The following KIAA0040 variants were observed in gnomAD, a reference collection of about 807,000 sequenced individuals.
KIAA0040 encodes uncharacterized protein KIAA0040.
In KIAA0040, 10 loss-of-function variants were observed where a neutral mutation model predicts 7.2. That is an observed-to-expected ratio of 1.38 (90% CI 0.85 to 2.34). The LOEUF (loss-of-function observed/expected upper bound fraction) is 2.34. Ranked by LOEUF, KIAA0040 falls within the 30% of genes most tolerant of loss-of-function variation. The pLI is 0.00. For missense variants in KIAA0040, 89 were observed against 108.2 expected (o/e 0.82, Z 0.79); for synonymous variants, 49 against 40.1 (o/e 1.22, Z -0.84).
At chr1:175,171,586 C>T (rs1558393664) in intron 2 of KIAA0040, among the ~76,000 whole-genome samples, 1 of 152,182 alleles carries the variant, frequency 6.6e-6, no homozygotes, top group South Asian at 2.1e-4. Context: ...CCGCAGACTG[C>T]ACTCTCCAGC....
rs550234485 is a variant in KIAA0040 at position 175,178,978 on chromosome 1, G to T, written c.-383-1294C>A. Among the ~76,000 whole-genome samples the T allele has an allele frequency of 3.1e-4, 46 of 149,240 alleles. 1 individual carries two copies. The East Asian group carries it at 3.7e-3, about 12-fold the overall frequency. ...CAGAGTGGGGGACGGGGCGGGGGGG[G>T]GGATATCATGGAGGAGATAGAGGCT... On this transcript the variant is annotated intron_variant, in intron 1 of 3. Coordinates refer to ENST00000423313, the MANE Select transcript of KIAA0040 (RefSeq NM_014656.3).
At chr1:175,169,393 C>T (rs1343384990) in intron 2 of KIAA0040, among the ~76,000 whole-genome samples, 1 of 152,096 alleles carries the variant, frequency 6.6e-6, no homozygotes, top group Non-Finnish European at 1.5e-5. Flanking sequence ...CTCTCTGGCG[C>T]TCTGTTTTCT....
chr1:175,183,236 T>C (rs558048013), intron 1 of KIAA0040, among the ~76,000 whole-genome samples: 1 of 152,330 alleles, frequency 6.6e-6, no homozygotes, highest in East Asian at 1.9e-4. Flanking sequence ...ATTAAGCTAT[T>C]ACAGAGCTTT....
At position 175,160,690 on chromosome 1, in the gene KIAA0040, G is replaced by A. The variant is rs1423627220; in HGVS notation, c.*24C>T. 2.0e-6 allele frequency: 3 copies of A among 1,526,264 alleles called. No homozygotes were observed. In the Admixed American group the frequency reaches 6.4e-5, roughly 32 times the overall value. 94.5% of individuals were successfully genotyped at this position (1,526,264 alleles called of 1,614,324 possible). A position where few individuals can be genotyped will look rare whatever the true frequency, so the allele number is the denominator to read the frequency against. On this transcript the variant is annotated 3_prime_UTR_variant, in exon 4 of 4. Transcript: ENST00000423313. ...CAGAAGGAGGCTTAGCCCCAGAAAG[G>A]AAACACCTCTGCTTCCTGCCTAACT...
intron 1 of KIAA0040, among the ~76,000 whole-genome samples, chr1:175,188,303 C>T (rs895403757): frequency 6.6e-6 from 1 of 152,098 alleles, no homozygotes; most frequent in African/African-American, 2.4e-5. Flanking sequence ...CACTCATGTC[C>T]CCAGATGATG....
chr1:175,163,176 C>T (rs887665549), intron 3 of KIAA0040, among the ~76,000 whole-genome samples: 1 of 152,168 alleles, frequency 6.6e-6, no homozygotes, highest in African/African-American at 2.4e-5. Context: ...GTGGAATTAA[C>T]CCATTTTTGG....
At chr1:175,161,679 A>G (rs1676550947) in intron 3 of KIAA0040, among the ~76,000 whole-genome samples, 1 of 152,134 alleles carries the variant, frequency 6.6e-6, no homozygotes, top group South Asian at 2.1e-4. Context: ...CCTCTGGGCT[A>G]AGAGGTCATC....
chr1:175,168,192 A>G (rs1676846404), intron 2 of KIAA0040, among the ~76,000 whole-genome samples: 1 of 152,210 alleles, frequency 6.6e-6, no homozygotes, highest in South Asian at 2.1e-4. Flanking sequence ...CTAACCTGGC[A>G]TGCTCAGGTG....
rs1470713832 is a variant in KIAA0040, at chr1:175,160,957, G to A, written c.57C>T (p.His19=). ...SSIWDTILTK[H]QEGIYNTICL... ...AGATGGTGTTGTAGATGCCTTCTTG[G>A]TGTTTGGTCAAGATGGTGTCCCAGA... Residue 19 remains histidine, a synonymous_variant, in exon 4 of 4, where the codon CAC becomes CAT. Transcript: ENST00000423313. 22 of 1,551,526 alleles carry A rather than the reference G, an allele frequency of 1.4e-5. No individual in the cohort carries two copies. In the East Asian group the frequency reaches 5.4e-4, roughly 38 times the overall value.
intron 1 of KIAA0040, among the ~76,000 whole-genome samples, chr1:175,188,580 T>C (rs1011397458): frequency 6.6e-6 from 1 of 152,166 alleles, no homozygotes; most frequent in Non-Finnish European, 1.5e-5. Context: ...AATCCACTGG[T>C]CTCTAGCTCA....
In KIAA0040 at chr1:175,160,702, C is replaced by T. The variant is rs142870156; in HGVS notation, c.*12G>A. ...TAGCCCCAGAAAGGAAACACCTCTG[C>T]TTCCTGCCTAACTAAACAGGCAGTG... On this transcript the variant is annotated 3_prime_UTR_variant, in exon 4 of 4. Coordinates refer to ENST00000423313, the MANE Select transcript of KIAA0040 (RefSeq NM_014656.3). 1,254 of 1,539,838 alleles carry T rather than the reference C, an allele frequency of 8.1e-4. 8 individuals carry two copies. The African/African-American group carries it at 0.015, about 19-fold the overall frequency.
At chr1:175,188,087 A>G (rs957271204) in intron 1 of KIAA0040, among the ~76,000 whole-genome samples, 2 of 152,176 alleles carry the variant, frequency 1.3e-5, no homozygotes, top group African/African-American at 4.8e-5. Context: ...GAACTACAGC[A>G]ATGGTTAGGT....
At chr1:175,161,424 A>C (rs181516183) in intron 3 of KIAA0040, among the ~76,000 whole-genome samples, 1 of 152,342 alleles carries the variant, frequency 6.6e-6, no homozygotes, top group African/African-American at 2.4e-5. Context: ...GTTGTTGGAT[A>C]AATGAATCAA....
At chr1:175,167,209 T>C (rs1676799787) in intron 2 of KIAA0040, among the ~76,000 whole-genome samples, 1 of 152,206 alleles carries the variant, frequency 6.6e-6, no homozygotes, top group South Asian at 2.1e-4. Context: ...TGAAAAGTTT[T>C]GAAACACAAA....
At chr1:175,182,062 G>A (rs1677461765) in intron 1 of KIAA0040, among the ~76,000 whole-genome samples, 1 of 152,208 alleles carries the variant, frequency 6.6e-6, no homozygotes, top group Admixed American at 6.5e-5. Flanking sequence ...CAAGGTTCTG[G>A]CCGTAGGAGG....
rs1363672491 is a variant in KIAA0040 at position 175,158,789 on chromosome 1, G to A, written c.*1925C>T. Reference sequence around the variant, plus strand: ...CAGTTTATGGCCATATAGGGTGAGAGGGCAAATGTGACTGGCTATAAAATA... The same window carrying A: ...CAGTTTATGGCCATATAGGGTGAGAAGGCAAATGTGACTGGCTATAAAATA... On this transcript the variant is annotated 3_prime_UTR_variant, in exon 4 of 4. Coordinates refer to ENST00000423313, the MANE Select transcript of KIAA0040 (RefSeq NM_014656.3). 1 of 152,074 alleles carries A rather than the reference G, an allele frequency of 6.6e-6. No homozygotes were observed. The highest frequency in any genetic ancestry group is 2.4e-5 in the African/African-American group (1 of 41,394). The allele number at this position is 152,074 out of a possible 1,614,324, so 9.4% of individuals were successfully genotyped here.
chr1:175,166,341 G>T (rs778582499), intron 3 of KIAA0040, among the ~76,000 whole-genome samples: 1 of 152,200 alleles, frequency 6.6e-6, no homozygotes, highest in Non-Finnish European at 1.5e-5. Flanking sequence ...TAAAAATACA[G>T]ATTCCTGCAG....
chr1:175,191,016 TG>T (rs1677846579), intron 1 of KIAA0040, among the ~76,000 whole-genome samples: 1 of 152,236 alleles, frequency 6.6e-6, no homozygotes, highest in Non-Finnish European at 1.5e-5. Flanking sequence ...CAGATAATTC[TG>T]GGGAAGGATC....
At chr1:175,180,253 A>C (rs1003977161) in intron 1 of KIAA0040, among the ~76,000 whole-genome samples, 7 of 152,242 alleles carry the variant, frequency 4.6e-5, no homozygotes, top group Non-Finnish European at 1.0e-4. Flanking sequence ...TTCTAGATGG[A>C]ATCTATTCCC....
Sources: gnomAD v4.1 joint callset for allele counts (sites outside exome capture counted in the v4.1 genomes callset) on GRCh38, gnomAD v4.1.1 for gene constraint, MANE v1.5 for transcripts, NCBI Gene and HGNC (gene_info 2026-07-23, HGNC 2026-07-21) for gene names.